The following MAPT variants were observed in gnomAD, a reference collection of about 807,000 sequenced individuals.
The protein encoded by MAPT is microtubule associated protein tau, also known as microtubule-associated protein tau.
A neutral mutation model predicts 67.9 loss-of-function variants in MAPT; 34 were observed. The observed-to-expected ratio is 0.50, with a 90% CI of 0.38 to 0.67. The LOEUF is 0.67. Ranked by LOEUF, MAPT falls within the 30% of genes least tolerant of loss-of-function variation. The pLI is 0.00. For missense variants in MAPT, 881 were observed against 1,115.2 expected (o/e 0.79, Z 2.99); for synonymous variants, 456 against 464.5 (o/e 0.98, Z 0.23).
chr17:45,986,197 T>C (rs17572823), intron 5 of MAPT, among the ~76,000 whole-genome samples: 22,064 of 152,176 alleles, frequency 0.14, 2,142 homozygotes, highest in Non-Finnish European at 0.22. Context: ...TGAAGACCAG[T>C]AAGTGGCAAG....
intron 1 of MAPT, among the ~76,000 whole-genome samples, chr17:45,934,239 C>A (rs2067123468): frequency 6.6e-6 from 1 of 152,046 alleles, no homozygotes; most frequent in East Asian, 1.9e-4. Context: ...ACTTGGGAGG[C>A]TGAGATGGGA....
At chr17:45,944,701 C>T (rs921075165) in intron 1 of MAPT, among the ~76,000 whole-genome samples, 1 of 152,196 alleles carries the variant, frequency 6.6e-6, no homozygotes, top group Admixed American at 6.5e-5. Context: ...GTTATCATTC[C>T]GGTTTACAGC....
chr17:46,024,221 T>A lies in MAPT; in HGVS notation c.*50T>A, dbSNP rs753174273. 1 of 1,538,442 alleles carries A rather than the reference T, an allele frequency of 6.5e-7. No individual in the cohort carries two copies. The highest frequency in any genetic ancestry group is 9.0e-7 in the Non-Finnish European group (1 of 1,114,164). On this transcript the variant is annotated 3_prime_UTR_variant, in exon 13 of 13. Coordinates refer to ENST00000262410, the MANE Select transcript of MAPT (RefSeq NM_001377265.1). ...TTGTGGAGAGGAGAGAATGAGAGAG[T>A]GTGGAAAAAAAAAGAATAATGACCC...
chr17:46,014,177 T>C, intron 10 of MAPT, 66 bp from the exon 11 acceptor site: 4 of 920,060 alleles, frequency 4.3e-6, no homozygotes, highest in Non-Finnish European at 7.1e-6. Context: ...CATTTTATCC[T>C]TTTTGTCTCT....
chr17:46,014,516 A>C (rs1004094349), intron 11 of MAPT, among the ~76,000 whole-genome samples, 192 bp downstream of exon 11: 1 of 152,168 alleles, frequency 6.6e-6, no homozygotes, highest in Non-Finnish European at 1.5e-5. Flanking sequence ...GCTCCTGCCC[A>C]GGCCATGCTG....
chr17:45,981,527 G>A (rs1262201550), intron 4 of MAPT, among the ~76,000 whole-genome samples: 1 of 152,148 alleles, frequency 6.6e-6, no homozygotes, highest in Non-Finnish European at 1.5e-5. Context: ...CCTCCCACGG[G>A]GGCCTACCTC....
chr17:46,018,611 G>A lies in MAPT; in HGVS notation c.2174-7G>A. ...GGCAAGATGCTCTTGTGTGTGTTGTGTTCTAGGAGGTGGCCAGGTGGAAGT... is the reference window on the plus strand; with the variant it reads ...GGCAAGATGCTCTTGTGTGTGTTGTATTCTAGGAGGTGGCCAGGTGGAAGT... On this transcript the variant is annotated splice_region_variant and splice_polypyrimidine_tract_variant and intron_variant, in intron 11 of 12. Coordinates refer to ENST00000262410, the MANE Select transcript of MAPT (RefSeq NM_001377265.1). 2 of 1,593,356 alleles carry A rather than the reference G, an allele frequency of 1.3e-6. No homozygotes were observed. The highest frequency in any genetic ancestry group is 1.7e-6 in the Non-Finnish European group (2 of 1,161,090).
intron 1 of MAPT, among the ~76,000 whole-genome samples, chr17:45,921,730 G>A (rs543200198): frequency 3.3e-5 from 5 of 152,188 alleles, no homozygotes; most frequent in Non-Finnish European, 5.9e-5. Context: ...ATTGTAACAT[G>A]TTCGTAGGCT....
intron 9 of MAPT, among the ~76,000 whole-genome samples, chr17:45,997,012 G>T (rs149834303): frequency 6.6e-6 from 1 of 152,334 alleles, no homozygotes; most frequent in African/African-American, 2.4e-5. Context: ...CATAGTCAGG[G>T]CACCCACAGC....
intron 1 of MAPT, among the ~76,000 whole-genome samples, chr17:45,909,139 T>G (rs1386541684): frequency 6.6e-6 from 1 of 152,062 alleles, no homozygotes; most frequent in Non-Finnish European, 1.5e-5. Context: ...AGGGCATCTC[T>G]CTGTCGCCAT....
At chr17:45,962,826 GA>G (rs1292418473) in intron 2 of MAPT, among the ~76,000 whole-genome samples, 1 of 152,066 alleles carries the variant, frequency 6.6e-6, no homozygotes, top group African/African-American at 2.4e-5. Context: ...TCAGGATGCT[GA>G]GGCAGAAGGA....
chr17:45,899,131 ACT>A (rs2063462804), intron 1 of MAPT, among the ~76,000 whole-genome samples: 1 of 151,940 alleles, frequency 6.6e-6, no homozygotes, highest in African/African-American at 2.4e-5. Flanking sequence ...TCCAGCAGGG[ACT>A]CTCAGCTGTT....
intron 2 of MAPT, among the ~76,000 whole-genome samples, chr17:45,964,712 A>G (rs1214198857): frequency 6.6e-6 from 1 of 151,596 alleles, no homozygotes; most frequent in Non-Finnish European, 1.5e-5. Flanking sequence ...AATCCTTCTC[A>G]GTCCCTTCCT....
intron 1 of MAPT, among the ~76,000 whole-genome samples, chr17:45,903,087 G>A (rs555203114): frequency 6.6e-6 from 1 of 152,288 alleles, no homozygotes; most frequent in South Asian, 2.1e-4. Flanking sequence ...GATATTAGAA[G>A]ACCCCTGGCT....
chr17:45,939,320 T>C (rs986856023), intron 1 of MAPT, among the ~76,000 whole-genome samples: 13 of 152,304 alleles, frequency 8.5e-5, no homozygotes, highest in Non-Finnish European at 8.8e-5. Context: ...GATGAGTAAC[T>C]AAATGAGGAT....
intron 1 of MAPT, among the ~76,000 whole-genome samples, chr17:45,957,259 G>A (rs995953627): frequency 3.9e-5 from 6 of 152,164 alleles, no homozygotes; most frequent in African/African-American, 1.4e-4. Context: ...TCCAGCAGCT[G>A]TTGTTTCCTG....
chr17:45,974,005 G>A (rs533718505), intron 3 of MAPT: 22 of 262,888 alleles, frequency 8.4e-5, no homozygotes, highest in African/African-American at 2.4e-4. Context: ...ATAGGCCCCC[G>A]CACTAACCCC....
chr17:45,959,039 G>C (rs2070075104), intron 1 of MAPT, among the ~76,000 whole-genome samples: 1 of 152,130 alleles, frequency 6.6e-6, no homozygotes, highest in East Asian at 1.9e-4. Context: ...GTCCAGCCTG[G>C]GCTACAGAGC....
Position 45,935,193 on chromosome 17 carries a change from C to T in MAPT, c.-17-27128C>T, listed in dbSNP as rs558936010. On this transcript the variant is annotated intron_variant, in intron 1 of 12. Coordinates refer to ENST00000262410, the MANE Select transcript of MAPT (RefSeq NM_001377265.1). ...CTCCAAAGATGCCTTTCCATTCCCT[C>T]GGGAGAGTCTGGGCAGCCCCTACTG... Among the ~76,000 whole-genome samples the T allele has an allele frequency of 3.3e-5, 5 of 152,152 alleles. No individual in the cohort carries two copies. In the South Asian group the frequency reaches 1.0e-3, roughly 32 times the overall value.
Sources: allele counts gnomAD v4.1 joint callset (sites outside exome capture counted in the v4.1 genomes callset), GRCh38; gene constraint gnomAD v4.1.1; transcripts MANE v1.5; gene names NCBI Gene and HGNC (gene_info 2026-07-23, HGNC 2026-07-21).